Variants in CBR4 observed in about 807,000 individuals in gnomAD.
The protein encoded by CBR4 is carbonyl reductase 4.
A neutral mutation model predicts 21.0 loss-of-function variants in CBR4; 22 were observed. That is an observed-to-expected ratio of 1.05 (90% confidence interval 0.75 to 1.50). The LOEUF is 1.50. Among genes scored for constraint, CBR4 ranks in the 40% most tolerant of loss-of-function variants. The probability of loss-of-function intolerance (pLI) is 0.00; values close to 1 mark genes in which losing one functional copy is unlikely to be tolerated. For missense variants in CBR4, 302 were observed against 286.3 expected (o/e 1.05, Z -0.40); for synonymous variants, 100 against 104.4 (o/e 0.96, Z 0.26).
At chr4:168,953,471 G>A (rs1029215834) in intron 2 of CBR4, among the ~76,000 whole-genome samples, 7 of 151,554 alleles carry the variant, frequency 4.6e-5, no homozygotes, top group African/African-American at 1.7e-4. Context: ...CGTTGCCTTT[G>A]CAGTGGCACA....
chr4:168,929,820 C>T (rs1762916578), intron 2 of CBR4, among the ~76,000 whole-genome samples: 1 of 152,044 alleles, frequency 6.6e-6, no homozygotes, highest in Admixed American at 6.6e-5. Flanking sequence ...TGACATGGTA[C>T]CTGGCACATA....
chr4:168,939,636 T>C (rs555082112), intron 2 of CBR4, among the ~76,000 whole-genome samples: 4 of 152,228 alleles, frequency 2.6e-5, no homozygotes, highest in Middle Eastern at 3.4e-3. Flanking sequence ...ATCACAAGCA[T>C]TCCTATACAC....
At chr4:169,009,789 G>A (rs1003577077) in intron 1 of CBR4, among the ~76,000 whole-genome samples, 159 bp downstream of exon 1, 1 of 152,242 alleles carries the variant, frequency 6.6e-6, no homozygotes, top group Non-Finnish European at 1.5e-5. Context: ...GTTTCTGCAC[G>A]AGACGCATTC....
At chr4:168,941,561 A>C (rs1560955214) in intron 2 of CBR4, among the ~76,000 whole-genome samples, 1 of 152,052 alleles carries the variant, frequency 6.6e-6, no homozygotes, top group Non-Finnish European at 1.5e-5. Flanking sequence ...CTAACTGAAA[A>C]ATAAAAAAAG....
intron 2 of CBR4, among the ~76,000 whole-genome samples, chr4:168,973,916 T>G (rs1764290917): frequency 6.6e-6 from 1 of 152,240 alleles, no homozygotes; most frequent in African/African-American, 2.4e-5. Flanking sequence ...CCATTTATAG[T>G]CAACTTTAGT....
At chr4:168,965,033 T>C (rs574376831) in intron 2 of CBR4, among the ~76,000 whole-genome samples, 1 of 152,280 alleles carries the variant, frequency 6.6e-6, no homozygotes, top group East Asian at 1.9e-4. Flanking sequence ...CCCAATCTCC[T>C]TAAGCTGACT....
At chr4:168,968,920 T>C (rs1325508761) in intron 2 of CBR4, among the ~76,000 whole-genome samples, 1 of 152,238 alleles carries the variant, frequency 6.6e-6, no homozygotes, top group Non-Finnish European at 1.5e-5. Flanking sequence ...TTATTAAATA[T>C]GTCCATGCTG....
chr4:168,982,917 T>C (rs77429544), downstream of CBR4, among the ~76,000 whole-genome samples: 29 of 152,166 alleles, frequency 1.9e-4, no homozygotes, highest in East Asian at 4.3e-3. Context: ...ACAGCTAAAG[T>C]AGTGTCAAAA....
intron 2 of CBR4, among the ~76,000 whole-genome samples, chr4:168,931,117 T>C (rs536963968): frequency 3.9e-5 from 6 of 152,276 alleles, no homozygotes; most frequent in South Asian, 2.1e-4. Context: ...CCAACCATCA[T>C]TGCCTGAACT....
rs1358804635 is a variant in CBR4 at position 169,008,655 on chromosome 4, C to T, written c.143-899G>A. Among the ~76,000 whole-genome samples, 3 of 152,192 alleles carry T rather than the reference C, an allele frequency of 2.0e-5. No homozygotes were observed. In the East Asian group the frequency reaches 5.8e-4, roughly 29 times the overall value. On this transcript the variant is annotated intron_variant, in intron 1 of 4. Coordinates refer to ENST00000306193, the MANE Select transcript of CBR4 (RefSeq NM_032783.5). ...AAAAGCATCCTGTGTCTCTCTTACTCTTGGTTTTCACCCGAAGACTTGTGT... is the reference window on the plus strand; with the variant it reads ...AAAAGCATCCTGTGTCTCTCTTACTTTTGGTTTTCACCCGAAGACTTGTGT...
At chr4:168,934,915 T>C (rs966569078) in intron 2 of CBR4, among the ~76,000 whole-genome samples, 1 of 152,092 alleles carries the variant, frequency 6.6e-6, no homozygotes, top group Non-Finnish European at 1.5e-5. Flanking sequence ...CTAATGAACA[T>C]ACATGCAAAA....
chr4:168,934,149 G>C (rs1458328219), intron 2 of CBR4, among the ~76,000 whole-genome samples: 1 of 151,676 alleles, frequency 6.6e-6, no homozygotes, highest in East Asian at 1.9e-4. Context: ...CAGCCACTCA[G>C]AAGGCTCGGG....
At chr4:168,954,982 G>A (rs566168960) in intron 2 of CBR4, among the ~76,000 whole-genome samples, 3 of 152,250 alleles carry the variant, frequency 2.0e-5, no homozygotes, top group African/African-American at 4.8e-5. Context: ...TTAGTGTTGA[G>A]AACACAGATA....
rs1019137598 is a variant in CBR4, at chr4:168,981,387, A to G, written n.169+20684T>C. On this transcript the variant is annotated intron_variant and non_coding_transcript_variant, in intron 2 of 3. Transcript: ENST00000509108. ...GCACTCCTAGGCAACAGAGTGAATG[A>G]GACTCAGTCTCAAAAAAATAAAATA... 3.3e-5 allele frequency among the ~76,000 whole-genome samples: 5 copies of G among 152,218 alleles called. No homozygotes were observed. In the East Asian group the frequency reaches 5.8e-4, roughly 18 times the overall value.
intron 2 of CBR4, among the ~76,000 whole-genome samples, chr4:168,957,877 C>T (rs956091345): frequency 1.3e-5 from 2 of 152,088 alleles, no homozygotes; most frequent in East Asian, 1.9e-4. Flanking sequence ...TGAGTTCTCA[C>T]GAGATCTGAT....
chr4:168,913,324 A>C (rs1401663385), intron 2 of CBR4, among the ~76,000 whole-genome samples: 1 of 151,906 alleles, frequency 6.6e-6, no homozygotes, highest in Non-Finnish European at 1.5e-5. Context: ...TTTTTAGTAG[A>C]GACGGGGTTT....
At chr4:168,902,462 T>A (rs1047313080) in intron 2 of CBR4, among the ~76,000 whole-genome samples, 2 of 152,148 alleles carry the variant, frequency 1.3e-5, no homozygotes, top group Non-Finnish European at 2.9e-5. Flanking sequence ...AACTGTGTTG[T>A]TCATAACTTA....
At chr4:168,922,106 C>T (rs112680375) in intron 2 of CBR4, among the ~76,000 whole-genome samples, 22 of 27,250 alleles carry the variant, frequency 8.1e-4, no homozygotes, top group African/African-American at 9.9e-4. Flanking sequence ...TATATATACA[C>T]ACACACACAC....
intron 4 of CBR4, among the ~76,000 whole-genome samples, chr4:168,997,477 G>A (rs1007024343): frequency 6.6e-6 from 1 of 152,106 alleles, no homozygotes; most frequent in African/African-American, 2.4e-5. Flanking sequence ...GCTTATGCCT[G>A]TAATCCCAGC....
Sources: allele counts gnomAD v4.1 joint callset (sites outside exome capture counted in the v4.1 genomes callset), GRCh38; gene constraint gnomAD v4.1.1; transcripts MANE v1.5; gene names NCBI Gene and HGNC (gene_info 2026-07-23, HGNC 2026-07-21).